The following CTBP1 variants were observed in gnomAD, a reference collection of about 807,000 sequenced individuals.
CTBP1 encodes C-terminal-binding protein 1.
Under a neutral mutation model 42.1 loss-of-function variants are expected in CTBP1, and 11 were observed. The observed-to-expected ratio is 0.26, with a 90% CI of 0.16 to 0.43. The LOEUF (loss-of-function observed/expected upper bound fraction) is 0.43. CTBP1 is among the 20% of genes least tolerant of loss of function. The pLI is 1.00. For synonymous variants in CTBP1, 324 were observed against 277.1 expected, an observed-to-expected ratio of 1.17 and a Z score of -1.68; for missense variants, 399 against 624.3, an observed-to-expected ratio of 0.64 and a Z score of 3.85.
intron 2 of CTBP1, among the ~76,000 whole-genome samples, chr4:1,239,936 C>T (rs578034412): frequency 7.2e-5 from 11 of 152,350 alleles, no homozygotes; most frequent in African/African-American, 2.4e-4. Flanking sequence ...ACATGGCCTC[C>T]CTCTGCACGT....
In CTBP1 at chr4:1,212,646, G is replaced by A. The variant is rs542045601; in HGVS notation, c.1107-223C>T. ...CAGGTGACTTGAACATGAGGTCTTCGCCTCACCCAAAGCCCCCTCCTCCCA... is the reference window on the plus strand; with the variant it reads ...CAGGTGACTTGAACATGAGGTCTTCACCTCACCCAAAGCCCCCTCCTCCCA... On this transcript the variant is annotated intron_variant, in intron 9 of 9. Coordinates refer to ENST00000382952, the MANE Select transcript of CTBP1 (RefSeq NM_001012614.2). The A allele has an allele frequency of 1.8e-4, 113 of 611,650 alleles. 1 individual carries two copies. The highest frequency in any genetic ancestry group is 1.3e-3 in the Middle Eastern group (3 of 2,258). The allele number at this position is 611,650 out of a possible 1,614,324, so 37.9% of individuals were successfully genotyped here. A position where few individuals can be genotyped will look rare whatever the true frequency, so the allele number is the denominator to read the frequency against.
At chr4:1,243,238 C>A in intron 1 of CTBP1, 1 of 985,402 alleles carries the variant, frequency 1.0e-6, no homozygotes, top group South Asian at 4.7e-5. Context: ...CTGGCCAGTA[C>A]GTGCCCACAC....
intron 6 of CTBP1, among the ~76,000 whole-genome samples, chr4:1,214,753 G>A (rs1308162031): frequency 5.3e-5 from 8 of 152,202 alleles, no homozygotes; most frequent in Admixed American, 1.3e-4. Context: ...AGGACTGGGC[G>A]GGGGCTCCTG....
Position 1,234,444 on chromosome 4 carries a change from G to A in CTBP1, c.162+3739C>T, listed in dbSNP as rs552631107. ...TTCCAAGAATCCAGCTGCATCCCCT[G>A]GGGCAGTTTTCTGTGTATTTATGTT... On this transcript the variant is annotated intron_variant, in intron 3 of 9. Coordinates refer to ENST00000382952, the MANE Select transcript of CTBP1 (RefSeq NM_001012614.2). Among the ~76,000 whole-genome samples the A allele has an allele frequency of 1.5e-3, 235 of 152,272 alleles. 1 individual carries two copies. Among genetic ancestry groups the A allele is most frequent in the African/African-American group, 5.4e-3 (225 of 41,548 alleles).
intron 5 of CTBP1, among the ~76,000 whole-genome samples, chr4:1,222,140 C>T (rs1362079779): frequency 6.6e-6 from 1 of 152,126 alleles, no homozygotes; most frequent in African/African-American, 2.4e-5. Flanking sequence ...TGCCCAGCAC[C>T]GGCCCCGCCT....
chr4:1,222,935 AC>A (rs3834218), intron 5 of CTBP1, among the ~76,000 whole-genome samples: 64,429 of 150,332 alleles, frequency 0.43, 13,917 homozygotes, highest in South Asian at 0.52. Context: ...CACAGCCCAT[AC>A]CCCCCCCACA....
intron 1 of CTBP1, chr4:1,243,498 T>C (rs1227687516): frequency 3.3e-5 from 33 of 985,238 alleles, no homozygotes; most frequent in Middle Eastern, 5.2e-4. Flanking sequence ...CTGGTTCTCC[T>C]CCAGGGACCT....
At position 1,215,900 on chromosome 4, in the gene CTBP1, G is replaced by A. The variant is rs73793116; in HGVS notation, c.729+91C>T. 9.7e-4 allele frequency: 1,343 copies of A among 1,384,356 alleles called. 15 individuals are homozygous for A. In the African/African-American group the frequency reaches 0.017, roughly 18 times the overall value. 85.8% of individuals were successfully genotyped at this position (1,384,356 alleles called of 1,614,324 possible). On this transcript the variant is annotated intron_variant, in intron 6 of 9. Coordinates refer to ENST00000382952, the MANE Select transcript of CTBP1 (RefSeq NM_001012614.2). ...CTCGCTGAAGGCAGGGTCTTGCCCA[G>A]GTGCAGATGGCTGCTGGGAGGGACC...
chr4:1,244,542 C>A, intron 1 of CTBP1: 1 of 985,180 alleles, frequency 1.0e-6, no homozygotes, highest in Non-Finnish European at 1.2e-6. Flanking sequence ...GTCCGCTCCC[C>A]TCCCTCACGA....
rs371266163 is a variant in CTBP1 at position 1,245,623 on chromosome 4, G to A, written c.-189+3293C>T. 5.0e-4 allele frequency: 494 copies of A among 983,882 alleles called. 2 individuals carry two copies. In the African/African-American group the frequency reaches 7.9e-3, roughly 16 times the overall value. The allele number at this position is 983,882 out of a possible 1,614,324, so 60.9% of individuals were successfully genotyped here. Reference sequence around the variant, plus strand: ...CACGGGAGGGCAGGGTGACACGGGCGGCATAGCAGAGTGGCATGGACGGGC... The same window carrying A: ...CACGGGAGGGCAGGGTGACACGGGCAGCATAGCAGAGTGGCATGGACGGGC... On this transcript the variant is annotated intron_variant, in intron 1 of 9. Transcript: ENST00000382952.
Position 1,239,402 on chromosome 4 carries a change from C to A in CTBP1, c.8-1065G>T, listed in dbSNP as rs867305954. Among the ~76,000 whole-genome samples, 23 of 152,264 alleles carry A rather than the reference C, an allele frequency of 1.5e-4. No homozygotes were observed. The Middle Eastern group carries it at 0.01, about 68-fold the overall frequency. On this transcript the variant is annotated intron_variant, in intron 2 of 9. Transcript: ENST00000382952. ...AGACCAAGCAGTACCCAGGACCGTT[C>A]GGCCAGCAGGAGGGGAGGCGCACGA...
rs1030471888 is a variant in CTBP1 at position 1,233,600 on chromosome 4, T to C, written c.162+4583A>G. On this transcript the variant is annotated intron_variant, in intron 3 of 9. Coordinates refer to ENST00000382952, the MANE Select transcript of CTBP1 (RefSeq NM_001012614.2). The surrounding 1 kb of genome is among the most constrained non-coding windows in gnomAD (Gnocchi z 4.6). ...GCTGAAAACCCTTCTCCTGTGGAAA[T>C]TCCAAAGCAGGCGAGTGGGGCTGGG... Among the ~76,000 whole-genome samples, 1 of 152,014 alleles carries C rather than the reference T, an allele frequency of 6.6e-6. No individual in the cohort carries two copies. Among genetic ancestry groups the C allele is most frequent in the African/African-American group, 2.4e-5 (1 of 41,386 alleles).
intron 5 of CTBP1, among the ~76,000 whole-genome samples, chr4:1,223,724 A>G (rs1425354921): frequency 1.3e-5 from 2 of 151,626 alleles, no homozygotes; most frequent in Non-Finnish European, 2.9e-5. Flanking sequence ...CCCCGCCCAG[A>G]TGCTCCCCCT....
intron 6 of CTBP1, 45 bp from the exon 7 acceptor site, chr4:1,214,518 A>G (rs1207205789): frequency 6.6e-7 from 1 of 1,518,712 alleles, no homozygotes; most frequent in East Asian, 2.6e-5. Flanking sequence ...GGATCCGCAC[A>G]GGGCGGGCAG....
chr4:1,241,302 C>A (rs778688931), intron 2 of CTBP1, 23 bp downstream of exon 2: 1 of 808,524 alleles, frequency 1.2e-6, no homozygotes, highest in South Asian at 1.3e-5. Flanking sequence ...ACTCTGCCGC[C>A]GACGCCAGGA....
intron 5 of CTBP1, chr4:1,217,940 G>A (rs934076498): frequency 2.0e-5 from 3 of 152,152 alleles, no homozygotes; most frequent in Non-Finnish European, 4.4e-5. Flanking sequence ...TCCGGAAGAT[G>A]AATGGTAACT....
chr4:1,221,881 G>C (rs922422549), intron 5 of CTBP1: 1 of 407,958 alleles, frequency 2.5e-6, no homozygotes, highest in Non-Finnish European at 4.9e-6. Context: ...GGAAGGGAAG[G>C]AGGGAGGAAA....
At chr4:1,216,431 G>GTA (rs1729125775) in intron 5 of CTBP1, 2 of 600,318 alleles carry the variant, frequency 3.3e-6, no homozygotes, top group South Asian at 4.0e-5. Flanking sequence ...GGTGGAAAGG[G>GTA]TACACTAGCC....
At chr4:1,219,512 A>C (rs1196379928) in intron 5 of CTBP1, among the ~76,000 whole-genome samples, 1 of 152,258 alleles carries the variant, frequency 6.6e-6, no homozygotes, top group African/African-American at 2.4e-5. Flanking sequence ...CTTAATGGTG[A>C]AATGTCAGAA....
Sources: gnomAD v4.1 joint callset for allele counts (sites outside exome capture counted in the v4.1 genomes callset) on GRCh38, gnomAD v4.1.1 for gene constraint, Gnocchi (gnomAD v3.1) non-coding constraint, MANE v1.5 for transcripts, NCBI Gene and HGNC (gene_info 2026-07-23, HGNC 2026-07-21) for gene names.